R3HDM2: variants seen among roughly 807,000 people sequenced by gnomAD.
The protein encoded by R3HDM2 is R3H domain containing 2.
R3HDM2 carries 38 observed loss-of-function variants against 124.5 expected under a neutral mutation model. That is an observed-to-expected ratio of 0.31 (90% CI 0.24 to 0.40). The LOEUF is 0.40. Ranked by LOEUF, R3HDM2 falls within the 10% of genes least tolerant of loss-of-function variation. The probability of loss-of-function intolerance (pLI) is 1.00; values close to 1 mark genes in which losing one functional copy is unlikely to be tolerated. For missense variants in R3HDM2, 869 were observed against 1,236.9 expected (o/e 0.70, Z 4.46); for synonymous variants, 391 against 448.0 (o/e 0.87, Z 1.61).
intron 1 of R3HDM2, among the ~76,000 whole-genome samples, chr12:57,426,229 A>C (rs1386940386): frequency 6.6e-6 from 1 of 152,192 alleles, no homozygotes; most frequent in Non-Finnish European, 1.5e-5. Context: ...CTCCATCTCA[A>C]AAAAATAAAT....
rs756547828 is a variant in R3HDM2 at position 57,327,398 on chromosome 12, C to T, written c.-35-16935G>A. ...AGGAGGATCACTTGAACCCTGGAGGCGGAGGTTGCAGTGAGCCGAGATCGC... is the reference window on the plus strand; with the variant it reads ...AGGAGGATCACTTGAACCCTGGAGGTGGAGGTTGCAGTGAGCCGAGATCGC... On this transcript the variant is annotated intron_variant, in intron 2 of 23. Coordinates refer to ENST00000402412, the MANE Select transcript of R3HDM2 (RefSeq NM_001394031.1). Among the ~76,000 whole-genome samples the T allele has an allele frequency of 8.2e-5, 12 of 145,528 alleles. No homozygotes were observed. In the East Asian group the frequency reaches 1.6e-3, roughly 20 times the overall value.
At chr12:57,390,695 C>CA (rs202051412) in intron 2 of R3HDM2, among the ~76,000 whole-genome samples, 9 of 149,134 alleles carry the variant, frequency 6.0e-5, no homozygotes, top group East Asian at 5.9e-4. Context: ...AAATCCGTCT[C>CA]AAAAAAAAAG....
intron 2 of R3HDM2, among the ~76,000 whole-genome samples, chr12:57,386,111 T>C (rs2065702816): frequency 6.6e-6 from 1 of 152,160 alleles, no homozygotes; most frequent in South Asian, 2.1e-4. Flanking sequence ...TACAAATTTA[T>C]GTTAACATGC....
chr12:57,304,772 C>T (rs1449212636), intron 3 of R3HDM2, among the ~76,000 whole-genome samples: 1 of 152,162 alleles, frequency 6.6e-6, no homozygotes, highest in African/African-American at 2.4e-5. Flanking sequence ...TAATTGTCCC[C>T]CAGATACTTG....
intron 2 of R3HDM2, among the ~76,000 whole-genome samples, chr12:57,385,409 A>G (rs528316393): frequency 3.9e-4 from 59 of 151,246 alleles, no homozygotes; most frequent in Admixed American, 9.9e-4. Flanking sequence ...CGCCCAGCTA[A>G]TTTTTTGTAT....
At chr12:57,402,041 T>C (rs956774743) in intron 1 of R3HDM2, among the ~76,000 whole-genome samples, 9 of 151,522 alleles carry the variant, frequency 5.9e-5, no homozygotes. Context: ...ACACCTGTTA[T>C]CCCAGCGCTT....
At chr12:57,312,394 A>G (rs1318499740) in intron 2 of R3HDM2, among the ~76,000 whole-genome samples, 2 of 151,710 alleles carry the variant, frequency 1.3e-5, no homozygotes, top group Admixed American at 1.3e-4. Context: ...TGCAGCCTCA[A>G]ACTCCTGCGT....
At chr12:57,262,335 T>C (rs371389960) in intron 19 of R3HDM2, among the ~76,000 whole-genome samples, 10 of 152,198 alleles carry the variant, frequency 6.6e-5, no homozygotes, top group Admixed American at 1.3e-4. Context: ...TGCTGCTGTG[T>C]CACTGTGAGT....
chr12:57,310,148 T>C, intron 3 of R3HDM2, 116 bp downstream of exon 3: 1 of 645,724 alleles, frequency 1.5e-6, no homozygotes, highest in Non-Finnish European at 2.5e-6. Flanking sequence ...AGTTTGAGGG[T>C]GCAGTGGGCC....
At chr12:57,426,092 G>A (rs539116976) in intron 1 of R3HDM2, among the ~76,000 whole-genome samples, 1 of 152,242 alleles carries the variant, frequency 6.6e-6, no homozygotes, top group African/African-American at 2.4e-5. Flanking sequence ...TCCAGGCGTG[G>A]TAGCCGATGC....
chr12:57,327,416 G>A (rs1318524309), intron 2 of R3HDM2, among the ~76,000 whole-genome samples: 5 of 147,620 alleles, frequency 3.4e-5, no homozygotes, highest in East Asian at 2.0e-4. Context: ...GCAGTGAGCC[G>A]AGATCGCGCC....
At chr12:57,281,808 G>A (rs1013672588) in intron 13 of R3HDM2, among the ~76,000 whole-genome samples, 1 of 152,126 alleles carries the variant, frequency 6.6e-6, no homozygotes, top group African/African-American at 2.4e-5. Context: ...ACTTCTGATG[G>A]GAGATAGACA....
At chr12:57,308,550 G>A (rs1016351852) in intron 3 of R3HDM2, among the ~76,000 whole-genome samples, 16 of 151,720 alleles carry the variant, frequency 1.1e-4, no homozygotes, top group Middle Eastern at 3.2e-3. Context: ...GCCGGGTGTC[G>A]TGGCGGGCGC....
chr12:57,411,596 T>C (rs952064504), intron 1 of R3HDM2, among the ~76,000 whole-genome samples: 1 of 152,230 alleles, frequency 6.6e-6, no homozygotes, highest in African/African-American at 2.4e-5. Flanking sequence ...CAAAATATTT[T>C]TGTGGACAAG....
chr12:57,357,726 G>A (rs2061459047), intron 2 of R3HDM2, among the ~76,000 whole-genome samples: 1 of 137,006 alleles, frequency 7.3e-6, no homozygotes, highest in Non-Finnish European at 1.6e-5. Flanking sequence ...CTTACTTTTA[G>A]TTTGCTCTTC....
chr12:57,377,103 T>TAAATAAATAAATAAATAAAA (rs1186751434), intron 2 of R3HDM2, among the ~76,000 whole-genome samples: 17 of 121,752 alleles, frequency 1.4e-4, no homozygotes, highest in African/African-American at 3.1e-4. Context: ...AATAAATAAA[T>TAAATAAATAAATAAATAAAA]AAAAGAGACT....
At chr12:57,276,747 C>G (rs920294444) in intron 14 of R3HDM2, among the ~76,000 whole-genome samples, 1 of 151,942 alleles carries the variant, frequency 6.6e-6, no homozygotes, top group African/African-American at 2.4e-5. Flanking sequence ...ATTAGCTGGG[C>G]GTGGTGGTGC....
intron 2 of R3HDM2, among the ~76,000 whole-genome samples, chr12:57,373,267 A>G (rs547065970): frequency 2.1e-4 from 32 of 150,896 alleles, no homozygotes; most frequent in Non-Finnish European, 4.0e-4. Context: ...TTGGGAGGCC[A>G]ATGCAGGTGG....
chr12:57,387,006 CTAGCTAATCTAGTGGGCTGCATA>C (rs921314935), intron 2 of R3HDM2, among the ~76,000 whole-genome samples: 3 of 152,014 alleles, frequency 2.0e-5, no homozygotes, highest in African/African-American at 4.8e-5. Flanking sequence ...CACTCTGTAT[CTAGCTAATCTAGTGGGCTGCATA>C]TAGCTAATCT....
Sources: gnomAD v4.1 joint callset for allele counts (sites outside exome capture counted in the v4.1 genomes callset) on GRCh38, gnomAD v4.1.1 for gene constraint, MANE v1.5 for transcripts, NCBI Gene and HGNC (gene_info 2026-07-23, HGNC 2026-07-21) for gene names.